Variants in EYS observed in about 807,000 individuals in gnomAD.
EYS encodes protein eyes shut homolog.
A neutral mutation model predicts 282.1 loss-of-function variants in EYS; 250 were observed. That is an observed-to-expected ratio of 0.89 (90% CI 0.80 to 0.98). The LOEUF (loss-of-function observed/expected upper bound fraction) is 0.98, where lower values mean the gene tolerates loss of function less well. Among genes scored for constraint, EYS ranks in the 50% least tolerant of loss-of-function variants. The pLI, the probability that EYS is intolerant of heterozygous loss-of-function variation, is 0.00. For synonymous variants in EYS, 1,355 were observed against 1,282.9 expected (o/e 1.06, Z -1.20); for missense variants, 4,016 against 3,709.0 (o/e 1.08, Z -2.15).
intron 31 of EYS, among the ~76,000 whole-genome samples, chr6:64,158,833 T>C (rs571271962): frequency 2.0e-5 from 3 of 152,352 alleles, no homozygotes; most frequent in South Asian, 2.1e-4. Flanking sequence ...TTTTGCACTA[T>C]AGTACTTGAA....
chr6:65,049,038 T>A (rs907606550), intron 13 of EYS, among the ~76,000 whole-genome samples: 1 of 151,882 alleles, frequency 6.6e-6, no homozygotes, highest in African/African-American at 2.4e-5. Context: ...GTTAATCTGC[T>A]TCGCTATAGT....
At chr6:64,404,976 T>C (rs142738505) in intron 28 of EYS, among the ~76,000 whole-genome samples, 3 of 145,058 alleles carry the variant, frequency 2.1e-5, no homozygotes, top group East Asian at 3.9e-4. Flanking sequence ...AACACTCTTA[T>C]TTATTTTATT....
chr6:64,601,076 T>C (rs962117846), intron 24 of EYS, among the ~76,000 whole-genome samples: 4 of 152,116 alleles, frequency 2.6e-5, no homozygotes, highest in African/African-American at 9.6e-5. Flanking sequence ...TCTAACCTTC[T>C]ACCTCTTTCT....
chr6:63,888,633 A>G (rs1406581626), intron 35 of EYS, among the ~76,000 whole-genome samples: 4 of 152,162 alleles, frequency 2.6e-5, no homozygotes, highest in Non-Finnish European at 5.9e-5. Context: ...ACTCCATCCA[A>G]AGGTCATCAA....
chr6:64,822,635 TA>T lies in EYS; in HGVS notation c.3164+15del, dbSNP rs201012275. The T allele has an allele frequency of 2.2e-4, 336 of 1,505,016 alleles. No homozygotes were observed. The highest frequency in any genetic ancestry group is 1.8e-3 in the African/African-American group (128 of 70,242). The allele number at this position is 1,505,016 out of a possible 1,614,324, so 93.2% of individuals were successfully genotyped here. The stretch of plus-strand genomic sequence containing the variant: ...AAATATACTTTCATAAAGCTAATAA[TA>T]AAAAAAATAGCTACCTTCCATGTAG... On this transcript the variant is annotated intron_variant, in intron 20 of 42. Coordinates refer to ENST00000503581, the MANE Select transcript of EYS (RefSeq NM_001142800.2).
At chr6:65,665,435 G>A (rs1363536504) in intron 1 of EYS, among the ~76,000 whole-genome samples, 1 of 152,086 alleles carries the variant, frequency 6.6e-6, no homozygotes, top group African/African-American at 2.4e-5. Context: ...TAAACTGTGG[G>A]AAACGATGAA....
At chr6:64,294,985 C>T (rs2150367704) in intron 30 of EYS, among the ~76,000 whole-genome samples, 1 of 152,152 alleles carries the variant, frequency 6.6e-6, no homozygotes, top group African/African-American at 2.4e-5. Context: ...CAACTAGCTG[C>T]TAATTTTTGT....
At chr6:64,135,212 C>CTT (rs56780670) in intron 31 of EYS, among the ~76,000 whole-genome samples, 3 of 146,948 alleles carry the variant, frequency 2.0e-5, no homozygotes, top group African/African-American at 4.9e-5. Context: ...AGTAGTGGTG[C>CTT]TTTTTTTTTT....
At chr6:64,102,890 A>G (rs117850370) in intron 31 of EYS, among the ~76,000 whole-genome samples, 1,527 of 151,662 alleles carry the variant, frequency 0.01, 17 homozygotes, top group East Asian at 0.034. Flanking sequence ...AAATACAAAC[A>G]TATCTTTTTT....
intron 26 of EYS, among the ~76,000 whole-genome samples, chr6:64,537,113 C>A (rs1322694953): frequency 6.7e-6 from 1 of 149,734 alleles, no homozygotes; most frequent in Non-Finnish European, 1.5e-5. Context: ...CCCACTAACT[C>A]GTCATCTAGC....
intron 13 of EYS, among the ~76,000 whole-genome samples, chr6:65,008,463 TAA>T (rs34508454): frequency 2.6e-5 from 4 of 151,024 alleles, no homozygotes; most frequent in African/African-American, 9.7e-5. Flanking sequence ...ACAAATGGGA[TAA>T]AAAAAAAGGC....
intron 37 of EYS, among the ~76,000 whole-genome samples, chr6:63,800,629 G>A (rs891375651): frequency 6.6e-6 from 1 of 151,900 alleles, no homozygotes; most frequent in African/African-American, 2.4e-5. Flanking sequence ...TGATGAAACC[G>A]CGTCTCTATT....
intron 5 of EYS, among the ~76,000 whole-genome samples, chr6:65,472,645 T>C (rs1432509952): frequency 6.6e-6 from 1 of 151,950 alleles, no homozygotes; most frequent in African/African-American, 2.4e-5. Flanking sequence ...GTGATTGTAC[T>C]GACAGGAAAA....
intron 33 of EYS, among the ~76,000 whole-genome samples, chr6:64,033,034 A>C (rs1029316550): frequency 5.9e-5 from 9 of 152,232 alleles, no homozygotes; most frequent in Non-Finnish European, 1.3e-4. Flanking sequence ...CTAAGACCAA[A>C]CATTGTAACA....
chr6:64,064,172 T>C (rs537501410), intron 33 of EYS, among the ~76,000 whole-genome samples: 51 of 152,346 alleles, frequency 3.3e-4, no homozygotes, highest in African/African-American at 1.2e-3. Flanking sequence ...ATTATTCCTT[T>C]ATTAGTGTGT....
intron 34 of EYS, among the ~76,000 whole-genome samples, chr6:63,994,581 G>T (rs1324479633): frequency 1.3e-5 from 2 of 151,782 alleles, no homozygotes; most frequent in Non-Finnish European, 2.9e-5. Context: ...AATAACAAAA[G>T]AATGAAGACA....
chr6:64,785,310 A>G (rs757285981), intron 22 of EYS, among the ~76,000 whole-genome samples: 9 of 152,120 alleles, frequency 5.9e-5, no homozygotes, highest in Non-Finnish European at 1.0e-4. Flanking sequence ...TTTTATGTGT[A>G]TGTACTAATC....
At chr6:64,633,222 T>A (rs1767852148) in intron 22 of EYS, among the ~76,000 whole-genome samples, 1 of 152,166 alleles carries the variant, frequency 6.6e-6, no homozygotes, top group African/African-American at 2.4e-5. Flanking sequence ...ATTGTCTAAA[T>A]AACTGTTGAA....
chr6:65,430,858 C>G (rs1024569787), intron 5 of EYS, among the ~76,000 whole-genome samples: 1 of 152,092 alleles, frequency 6.6e-6, no homozygotes, highest in African/African-American at 2.4e-5. Flanking sequence ...AGAGCCCTTG[C>G]GTCCTGAAAA....
Sources: allele counts gnomAD v4.1 joint callset (sites outside exome capture counted in the v4.1 genomes callset), GRCh38; gene constraint gnomAD v4.1.1; transcripts MANE v1.5; gene names NCBI Gene and HGNC (gene_info 2026-07-23, HGNC 2026-07-21).